The following STAU2 variants were observed in gnomAD, a reference collection of about 807,000 sequenced individuals.
STAU2 encodes the protein double-stranded RNA-binding protein Staufen homolog 2.
In STAU2, 20 loss-of-function variants were observed where a neutral mutation model predicts 65.9. That is an observed-to-expected ratio of 0.30 (90% CI 0.21 to 0.44). The LOEUF is 0.44. STAU2 is among the 20% of genes least tolerant of loss of function. STAU2 has a pLI of 1.00. For missense variants in STAU2, 558 were observed against 683.9 expected (o/e 0.82, Z 2.05); for synonymous variants, 232 against 233.9 (o/e 0.99, Z 0.07).
chr8:73,431,839 G>T (rs773096803), intron 13 of STAU2, among the ~76,000 whole-genome samples: 6 of 152,164 alleles, frequency 3.9e-5, no homozygotes, highest in Non-Finnish European at 7.3e-5. Flanking sequence ...TTAGCAATTT[G>T]CAAATAGTGT....
chr8:73,576,408 T>A (rs996676222), intron 12 of STAU2, among the ~76,000 whole-genome samples: 5 of 146,948 alleles, frequency 3.4e-5, no homozygotes, highest in South Asian at 2.1e-4. Context: ...TTCTAAAGTT[T>A]AAAAAAAAAA....
intron 12 of STAU2, among the ~76,000 whole-genome samples, chr8:73,570,078 C>T (rs573156753): frequency 2.2e-4 from 33 of 152,190 alleles, no homozygotes; most frequent in African/African-American, 6.7e-4. Context: ...AAAAAAGATT[C>T]GACAAACGGC....
chr8:73,641,883 T>C (rs534281598), intron 6 of STAU2, among the ~76,000 whole-genome samples: 14 of 152,356 alleles, frequency 9.2e-5, no homozygotes, highest in African/African-American at 3.4e-4. Flanking sequence ...AGTGGTAATT[T>C]TGTGAAAGCT....
chr8:73,540,100 T>C (rs1480838505), intron 13 of STAU2, among the ~76,000 whole-genome samples: 1 of 152,158 alleles, frequency 6.6e-6, no homozygotes, highest in East Asian at 1.9e-4. Context: ...CCCTAAAAGA[T>C]ATATCCAAGT....
chr8:73,584,973 C>T (rs1810254604), intron 11 of STAU2, among the ~76,000 whole-genome samples: 1 of 152,170 alleles, frequency 6.6e-6, no homozygotes, highest in African/African-American at 2.4e-5. Context: ...TTTATTCATA[C>T]CTCCAAAACA....
At chr8:73,449,800 G>A (rs950787225) in intron 13 of STAU2, among the ~76,000 whole-genome samples, 1 of 152,204 alleles carries the variant, frequency 6.6e-6, no homozygotes, top group Non-Finnish European at 1.5e-5. Context: ...GGCCCAGGAG[G>A]GCTTAGGGTG....
At chr8:73,464,600 G>GCACACA (rs770126004) in intron 13 of STAU2, among the ~76,000 whole-genome samples, 145 of 101,908 alleles carry the variant, frequency 1.4e-3, no homozygotes, top group Middle Eastern at 4.5e-3. Context: ...GTGTGCACGC[G>GCACACA]CACACACACA....
intron 13 of STAU2, among the ~76,000 whole-genome samples, chr8:73,486,533 A>G (rs1025953124): frequency 1.3e-5 from 2 of 151,414 alleles, no homozygotes; most frequent in East Asian, 3.9e-4. Flanking sequence ...CTATTAGTAT[A>G]AAAAGTAGAA....
At chr8:73,435,688 T>C (rs1817633755) in intron 13 of STAU2, among the ~76,000 whole-genome samples, 1 of 151,996 alleles carries the variant, frequency 6.6e-6, no homozygotes, top group Admixed American at 6.5e-5. Context: ...ATAGTTACTG[T>C]CTTTTTGAGA....
intron 6 of STAU2, among the ~76,000 whole-genome samples, chr8:73,638,540 C>A (rs960446933): frequency 5.0e-5 from 7 of 141,198 alleles, no homozygotes; most frequent in Non-Finnish European, 1.1e-4. Context: ...ATCAGAGTAA[C>A]TTCAAATATA....
At chr8:73,572,678 C>A (rs1809195431) in intron 12 of STAU2, among the ~76,000 whole-genome samples, 1 of 152,168 alleles carries the variant, frequency 6.6e-6, no homozygotes, top group African/African-American at 2.4e-5. Flanking sequence ...GCAGAAAAGG[C>A]CTTTGACAAA....
chr8:73,654,637 C>CAAAAAAAAAAAAAAAAAAAAAAAAAAAA (rs71269928), intron 6 of STAU2, among the ~76,000 whole-genome samples: 5 of 26,306 alleles, frequency 1.9e-4, no homozygotes, highest in South Asian at 3.4e-3. Flanking sequence ...AAGATTGTCT[C>CAAAAAAAAAAAAAAAAAAAAAAAAAAAA]AAAAAAAAAA....
At chr8:73,591,882 T>TAAAAAAAAAAA (rs34533172) in intron 11 of STAU2, among the ~76,000 whole-genome samples, 8 of 28,472 alleles carry the variant, frequency 2.8e-4, no homozygotes, top group Non-Finnish European at 3.2e-4. Flanking sequence ...ATCCCAGAGG[T>TAAAAAAAAAAA]AAAAAAAAAA....
chr8:73,510,682 A>G (rs1822344390), intron 13 of STAU2, among the ~76,000 whole-genome samples: 1 of 152,162 alleles, frequency 6.6e-6, no homozygotes, highest in African/African-American at 2.4e-5. Context: ...TAGCAGCAGC[A>G]AGGAGAAGAA....
intron 13 of STAU2, among the ~76,000 whole-genome samples, chr8:73,435,101 C>A (rs1031982946): frequency 6.6e-6 from 1 of 151,854 alleles, no homozygotes; most frequent in Non-Finnish European, 1.5e-5. Flanking sequence ...AGATGCCCCC[C>A]CTGGACCTTC....
intron 13 of STAU2, among the ~76,000 whole-genome samples, chr8:73,532,749 T>C: frequency 6.6e-6 from 1 of 152,212 alleles, no homozygotes; most frequent in Non-Finnish European, 1.5e-5. Flanking sequence ...ACAAGAACCT[T>C]GGCCTCCACA....
intron 1 of STAU2, among the ~76,000 whole-genome samples, chr8:73,745,651 T>G (rs190602365): frequency 2.6e-5 from 4 of 152,356 alleles, no homozygotes; most frequent in Admixed American, 2.6e-4. Context: ...CCTTTCTTTC[T>G]GCAGGATCCA....
Position 73,613,733 on chromosome 8 carries a change from T to C in STAU2, c.891+11A>G. 6.3e-7 allele frequency: 1 copy of C among 1,592,746 alleles called. No individual in the cohort carries two copies. Among genetic ancestry groups the C allele is most frequent in the Non-Finnish European group, 8.5e-7 (1 of 1,170,876 alleles). ...AGTAAAACTGACTGATGTTCACAAATATAAACTTACCTTTACTATTGTTTT... is the reference window on the plus strand; with the variant it reads ...AGTAAAACTGACTGATGTTCACAAACATAAACTTACCTTTACTATTGTTTT... On this transcript the variant is annotated intron_variant, in intron 9 of 14. Coordinates refer to ENST00000524300, the MANE Select transcript of STAU2 (RefSeq NM_001164380.2).
At chr8:73,667,532 A>G (rs1423431194) in intron 6 of STAU2, among the ~76,000 whole-genome samples, 2 of 152,178 alleles carry the variant, frequency 1.3e-5, no homozygotes, top group Non-Finnish European at 2.9e-5. Context: ...GCTAAATCCT[A>G]GTTAACCTTG....
Sources: allele counts gnomAD v4.1 joint callset (sites outside exome capture counted in the v4.1 genomes callset), GRCh38; gene constraint gnomAD v4.1.1; transcripts MANE v1.5; gene names NCBI Gene and HGNC (gene_info 2026-07-23, HGNC 2026-07-21).